Variants in SIK3 observed in about 807,000 individuals in gnomAD.
The protein encoded by SIK3 is SIK family kinase 3.
A neutral mutation model predicts 144.2 loss-of-function variants in SIK3; 28 were observed. The observed-to-expected ratio is 0.19, with a 90% confidence interval of 0.14 to 0.27. SIK3 has a LOEUF of 0.27. Among genes scored for constraint, SIK3 ranks in the 10% least tolerant of loss-of-function variants. The pLI, the probability that SIK3 is intolerant of heterozygous loss-of-function variation, is 1.00. For missense variants in SIK3, 1,319 were observed against 1,776.0 expected, an observed-to-expected ratio of 0.74 and a Z score of 4.62; for synonymous variants, 686 against 676.3, an observed-to-expected ratio of 1.01 and a Z score of -0.22.
At chr11:116,975,627 G>A (rs76949321) in intron 1 of SIK3, among the ~76,000 whole-genome samples, 11,035 of 152,102 alleles carry the variant, frequency 0.073, 491 homozygotes, top group Middle Eastern at 0.11. Context: ...GGACATTTTG[G>A]TTGTTCTGCT....
chr11:116,911,672 C>T (rs538130701), intron 4 of SIK3, among the ~76,000 whole-genome samples: 9 of 152,202 alleles, frequency 5.9e-5, no homozygotes, highest in Admixed American at 3.3e-4. Context: ...ATATTTAAAA[C>T]GGTTTTGTTG....
At chr11:116,922,850 C>T in intron 4 of SIK3, among the ~76,000 whole-genome samples, 1 of 146,970 alleles carries the variant, frequency 6.8e-6, no homozygotes, top group East Asian at 2.1e-4. Context: ...GGTACTATAA[C>T]ATATACGATT....
rs375412710 is a variant in SIK3 at position 116,875,856 on chromosome 11, T to C, written c.1239+10A>G. ...TTGTCCTGAACTAGGTCACTGGAGT[T>C]ATTGCCCACCTGGATATTGACTGGT... On this transcript the variant is annotated intron_variant, in intron 9 of 24. Coordinates refer to ENST00000445177, the MANE Select transcript of SIK3 (RefSeq NM_001366686.3). The C allele has an allele frequency of 1.3e-6, 2 of 1,596,950 alleles. No individual in the cohort carries two copies. The highest frequency in any genetic ancestry group is 2.7e-5 in the African/African-American group (2 of 73,630).
intron 21 of SIK3, among the ~76,000 whole-genome samples, chr11:116,852,839 CA>C (rs1176386511): frequency 6.6e-6 from 1 of 152,182 alleles, no homozygotes; most frequent in African/African-American, 2.4e-5. Context: ...AGACAAATGT[CA>C]GTTAAAAGCC....
intron 3 of SIK3, among the ~76,000 whole-genome samples, chr11:116,938,925 C>A (rs1232137991): frequency 6.6e-6 from 1 of 152,102 alleles, no homozygotes; most frequent in Non-Finnish European, 1.5e-5. Flanking sequence ...AATTATGTTA[C>A]AAAATAGAAA....
Position 116,867,001 on chromosome 11 carries a change from C to A in SIK3, c.1952+945G>T, listed in dbSNP as rs1943682171. On this transcript the variant is annotated intron_variant, in intron 15 of 24. Coordinates refer to ENST00000445177, the MANE Select transcript of SIK3 (RefSeq NM_001366686.3). This position sits in a 1 kb window ranked among gnomAD's most constrained non-coding sequence, Gnocchi z 4.1. ...GATTATGTTGATGCCAAATGGGTAACCAGCCTCAGTAAAAAAAATGTGTCA... is the reference window on the plus strand; with the variant it reads ...GATTATGTTGATGCCAAATGGGTAAACAGCCTCAGTAAAAAAAATGTGTCA... Among the ~76,000 whole-genome samples the A allele has an allele frequency of 6.6e-6, 1 of 152,130 alleles. No homozygotes were observed. Among genetic ancestry groups the A allele is most frequent in the African/African-American group, 2.4e-5 (1 of 41,406 alleles).
Position 116,844,374 on chromosome 11 carries a change from T to C in SIK3, c.*1269A>G, listed in dbSNP as rs1471214938. 1 of 151,536 alleles carries C rather than the reference T, an allele frequency of 6.6e-6. No individual in the cohort carries two copies. Among genetic ancestry groups the C allele is most frequent in the Non-Finnish European group, 1.5e-5 (1 of 67,976 alleles). The allele number at this position is 151,536 out of a possible 1,614,324, so 9.4% of individuals were successfully genotyped here. On this transcript the variant is annotated 3_prime_UTR_variant, in exon 25 of 25. Coordinates refer to ENST00000445177, the MANE Select transcript of SIK3 (RefSeq NM_001366686.3). ...ACAGAATCTGGTTAAACATTTCTCA[T>C]TTAAACAAAAATTCCTTTTCTCTTT...
rs991622660 is a variant in SIK3 at position 116,846,529 on chromosome 11, T to A, written c.3977A>T (p.His1326Leu). ...GCCATCACTCAGGTCTGGGTGCTCA[T>A]GACCTCCCAGGCTTGCCCCACATTC... is the stretch of plus-strand genomic sequence containing the variant. ...NEECGASLGG[H>L]EHPDLSDGSQ... Residue 1326 changes from histidine to leucine, a missense_variant, in exon 24 of 25, where the codon CAT becomes CTT. By Grantham distance (99) the His-to-Leu change is moderately conservative. Transcript: ENST00000445177. The surrounding 1 kb of genome is among the most constrained non-coding windows in gnomAD (Gnocchi z 4.1). 4.3e-6 allele frequency: 7 copies of A among 1,614,010 alleles called. No individual in the cohort carries two copies. Among genetic ancestry groups the A allele is most frequent in the African/African-American group, 1.3e-5 (1 of 74,914 alleles).
rs1221808700 is a variant in SIK3, at chr11:117,056,584, TATAGATATAGATATA to T, written c.273+41544_273+41558del. On this transcript the variant is annotated intron_variant, in intron 1 of 24. Coordinates refer to ENST00000445177, the MANE Select transcript of SIK3 (RefSeq NM_001366686.3). ...ATATAGATATAGATATAGATATAGA[TATAGATATAGATATA>T]AAGTCCCCAAGAAGAAGTGGCAGAA... Among the ~76,000 whole-genome samples, 84 of 125,028 alleles carry T rather than the reference TATAGATATAGATATA, an allele frequency of 6.7e-4. 2 individuals are homozygous for T. The East Asian group carries it at 9.7e-3, about 14-fold the overall frequency. The allele number at this position is 125,028 out of a possible 152,430, so 82.0% of individuals were successfully genotyped here. A position where few individuals can be genotyped will look rare whatever the true frequency, so the allele number is the denominator to read the frequency against.
chr11:117,021,943 A>G (rs200358789), intron 1 of SIK3, among the ~76,000 whole-genome samples: 1 of 126,400 alleles, frequency 7.9e-6, no homozygotes, highest in African/African-American at 3.4e-5. Flanking sequence ...AAAAAAAAAA[A>G]AAAAAAAAAA....
chr11:117,037,176 A>C (rs1257814321), intron 1 of SIK3, among the ~76,000 whole-genome samples: 1 of 152,184 alleles, frequency 6.6e-6, no homozygotes, highest in Admixed American at 6.5e-5. Context: ...GCTGCAAAAA[A>C]GGGAAAAACT....
At chr11:117,035,956 G>A in intron 1 of SIK3, 1 of 1,583,998 alleles carries the variant, frequency 6.3e-7, no homozygotes, top group Non-Finnish European at 8.6e-7. Context: ...TCACATCCAT[G>A]AAGCAGGAAT....
At chr11:116,938,620 G>C (rs1591374910) in intron 3 of SIK3, among the ~76,000 whole-genome samples, 1 of 75,232 alleles carries the variant, frequency 1.3e-5, no homozygotes, top group African/African-American at 6.9e-5. Flanking sequence ...GGAGAGGGGA[G>C]GGGAGGAGAG....
chr11:116,952,069 C>CT (rs1003447837), intron 3 of SIK3, among the ~76,000 whole-genome samples: 28 of 152,062 alleles, frequency 1.8e-4, no homozygotes, highest in Non-Finnish European at 3.2e-4. Flanking sequence ...ATGACATGAT[C>CT]TTTTTTCTCC....
Position 116,852,074 on chromosome 11 carries a change from T to C in SIK3, c.3656-2791A>G, listed in dbSNP as rs1425877176. Among the ~76,000 whole-genome samples, 4 of 152,336 alleles carry C rather than the reference T, an allele frequency of 2.6e-5. 1 individual carries two copies. The South Asian group carries it at 6.2e-4, about 24-fold the overall frequency. ...GGACAAACATGAGCGCTCTCCTGTTTAAAGATTTTTAAAACATCATTACTA... is the reference window on the plus strand; with the variant it reads ...GGACAAACATGAGCGCTCTCCTGTTCAAAGATTTTTAAAACATCATTACTA... On this transcript the variant is annotated intron_variant, in intron 21 of 24. Coordinates refer to ENST00000445177, the MANE Select transcript of SIK3 (RefSeq NM_001366686.3).
intron 1 of SIK3, among the ~76,000 whole-genome samples, chr11:117,024,116 C>T (rs560266809): frequency 4.3e-4 from 65 of 152,198 alleles, no homozygotes; most frequent in Non-Finnish European, 7.8e-4. Context: ...CCATACCTCC[C>T]CATCTCCCTT....
At chr11:117,025,912 G>C (rs1294087835) in intron 1 of SIK3, among the ~76,000 whole-genome samples, 1 of 151,996 alleles carries the variant, frequency 6.6e-6, no homozygotes, top group Non-Finnish European at 1.5e-5. Context: ...TGTAACACTT[G>C]TGTTCAATAC....
At chr11:116,894,159 C>T (rs1945274392) in intron 6 of SIK3, among the ~76,000 whole-genome samples, 1 of 152,180 alleles carries the variant, frequency 6.6e-6, no homozygotes, top group Non-Finnish European at 1.5e-5. Context: ...ACAGCAGGCC[C>T]TCTGGCTTAC....
rs1232153566 is a variant in SIK3 at position 116,844,618 on chromosome 11, AATATATATATAATATATTATATT to A, written c.*1002_*1024del. 6 of 40,756 alleles carry A rather than the reference AATATATATATAATATATTATATT, an allele frequency of 1.5e-4. No homozygotes were observed. Among genetic ancestry groups the A allele is most frequent in the African/African-American group, 1.3e-3 (6 of 4,766 alleles). 2.5% of individuals were successfully genotyped at this position (40,756 alleles called of 1,614,324 possible). On this transcript the variant is annotated 3_prime_UTR_variant, in exon 25 of 25. Transcript: ENST00000445177. ...TATTTTATATATATATTATATATATAATATATATATAATATATTATATTATATATTATATATATAATATATATA... is the reference window on the plus strand; with the variant it reads ...TATTTTATATATATATTATATATATAATATATTATATATATAATATATATA...
Sources: gnomAD v4.1 joint callset for allele counts (sites outside exome capture counted in the v4.1 genomes callset) on GRCh38, gnomAD v4.1.1 for gene constraint, Gnocchi (gnomAD v3.1) non-coding constraint, MANE v1.5 for transcripts, NCBI Gene and HGNC (gene_info 2026-07-23, HGNC 2026-07-21) for gene names.